Variants in SIAH3 observed in about 807,000 individuals in gnomAD.
The protein encoded by SIAH3 is seven in absentia homolog 3.
Under a neutral mutation model 12.6 loss-of-function variants are expected in SIAH3, and 9 were observed. That is an observed-to-expected ratio of 0.72 (90% CI 0.43 to 1.25). SIAH3 has a LOEUF of 1.25. Among genes scored for constraint, SIAH3 ranks in the 50% most tolerant of loss-of-function variants. The pLI is 0.00. For synonymous variants in SIAH3, 154 were observed against 151.1 expected, an observed-to-expected ratio of 1.02 and a Z score of -0.14; for missense variants, 390 against 365.4, an observed-to-expected ratio of 1.07 and a Z score of -0.55.
intron 1 of SIAH3, among the ~76,000 whole-genome samples, chr13:45,830,271 G>A (rs982946728): frequency 5.9e-5 from 9 of 152,206 alleles, no homozygotes; most frequent in African/African-American, 2.2e-4. Flanking sequence ...TCTGTCTAAA[G>A]TCTCCATAAA....
intron 1 of SIAH3, among the ~76,000 whole-genome samples, chr13:45,796,337 C>T (rs1052099626): frequency 1.1e-4 from 16 of 151,512 alleles, no homozygotes; most frequent in African/African-American, 3.2e-4. Context: ...ATTTCATGGG[C>T]GGGGGGGAGG....
At chr13:45,815,366 CT>C (rs748837289) in intron 1 of SIAH3, among the ~76,000 whole-genome samples, 5 of 151,960 alleles carry the variant, frequency 3.3e-5, no homozygotes, top group South Asian at 2.1e-4. Flanking sequence ...AGACTGAGGC[CT>C]CCTGAGGAAG....
chr13:45,850,205 C>T (rs1367315423), intron 1 of SIAH3, among the ~76,000 whole-genome samples: 9 of 152,182 alleles, frequency 5.9e-5, no homozygotes, highest in African/African-American at 1.9e-4. Flanking sequence ...CGCCCCTCCC[C>T]CAGGACTGGC....
intron 1 of SIAH3, among the ~76,000 whole-genome samples, chr13:45,786,860 G>T (rs1328556773): frequency 6.6e-6 from 1 of 152,188 alleles, no homozygotes; most frequent in African/African-American, 2.4e-5. Flanking sequence ...TGTGAGGACA[G>T]ATAGAATGTC....
intron 1 of SIAH3, among the ~76,000 whole-genome samples, chr13:45,796,362 AG>A (rs1455842244): frequency 6.6e-6 from 1 of 151,956 alleles, no homozygotes. Context: ...CAAGAACCCT[AG>A]GGGGTCTTTT....
intron 1 of SIAH3, among the ~76,000 whole-genome samples, chr13:45,821,491 T>C (rs1950655603): frequency 2.0e-5 from 3 of 152,210 alleles, no homozygotes; most frequent in Admixed American, 1.3e-4. Flanking sequence ...AGCAAAGCCA[T>C]TGGTTCTTAA....
At chr13:45,802,566 G>A (rs1950585975) in intron 1 of SIAH3, among the ~76,000 whole-genome samples, 1 of 152,172 alleles carries the variant, frequency 6.6e-6, no homozygotes, top group African/African-American at 2.4e-5. Flanking sequence ...ACACTAGGGA[G>A]CTACATTTAC....
chr13:45,839,458 C>A (rs975265768), intron 1 of SIAH3, among the ~76,000 whole-genome samples: 2 of 152,242 alleles, frequency 1.3e-5, no homozygotes, highest in African/African-American at 4.8e-5. Flanking sequence ...AGAGCACAAA[C>A]TTCCTTTCCT....
At chr13:45,836,054 G>T (rs931779755) in intron 1 of SIAH3, among the ~76,000 whole-genome samples, 2 of 152,128 alleles carry the variant, frequency 1.3e-5, no homozygotes, top group Non-Finnish European at 2.9e-5. Context: ...GAGCCCTTGG[G>T]GTACTCACCA....
intron 1 of SIAH3, among the ~76,000 whole-genome samples, chr13:45,800,610 C>T (rs1371578728): frequency 6.6e-6 from 1 of 152,192 alleles, no homozygotes; most frequent in Non-Finnish European, 1.5e-5. Flanking sequence ...TGGAAGCAGC[C>T]AGGCCTTATT....
chr13:45,836,010 C>T (rs1005484328), intron 1 of SIAH3, among the ~76,000 whole-genome samples: 2 of 152,180 alleles, frequency 1.3e-5, no homozygotes, highest in South Asian at 2.1e-4. Context: ...ACCCACTATA[C>T]CAGCCAGTCA....
intron 1 of SIAH3, among the ~76,000 whole-genome samples, chr13:45,833,477 ATG>A (rs1950706928): frequency 2.7e-5 from 4 of 146,718 alleles, no homozygotes; most frequent in Middle Eastern, 3.4e-3. Context: ...ACACACACAC[ATG>A]CACACACACA....
rs1238326541 is a variant in SIAH3, at chr13:45,780,074, G to C, written c.*3309C>G. 6.6e-6 allele frequency: 1 copy of C among 152,180 alleles called. No homozygotes were observed. The highest frequency in any genetic ancestry group is 1.5e-5 in the Non-Finnish European group (1 of 68,034). The allele number at this position is 152,180 out of a possible 1,614,324, so 9.4% of individuals were successfully genotyped here. ...TCTTTTAAAAGGCAATTACTCCTTAGAGAGTGAGTCATTAACTCTTGCACC... is the reference window on the plus strand; with the variant it reads ...TCTTTTAAAAGGCAATTACTCCTTACAGAGTGAGTCATTAACTCTTGCACC... On this transcript the variant is annotated 3_prime_UTR_variant, in exon 2 of 2. Transcript: ENST00000400405.
At chr13:45,798,631 C>T (rs116954179) in intron 1 of SIAH3, among the ~76,000 whole-genome samples, 18 of 152,292 alleles carry the variant, frequency 1.2e-4, no homozygotes, top group Non-Finnish European at 2.1e-4. Flanking sequence ...CCATTAGAAC[C>T]GTCCAGATGA....
intron 1 of SIAH3, among the ~76,000 whole-genome samples, chr13:45,797,031 T>C (rs2137555408): frequency 1.3e-5 from 2 of 152,302 alleles, no homozygotes; most frequent in Admixed American, 1.3e-4. Flanking sequence ...GTTCATCCAA[T>C]ATTCATCTTT....
intron 1 of SIAH3, among the ~76,000 whole-genome samples, chr13:45,812,881 A>G (rs921075900): frequency 3.3e-5 from 5 of 152,248 alleles, no homozygotes; most frequent in African/African-American, 1.2e-4. Context: ...ATGTCTTCAC[A>G]TGCTCAAATG....
chr13:45,798,532 G>C (rs1950570690), intron 1 of SIAH3, among the ~76,000 whole-genome samples: 1 of 152,210 alleles, frequency 6.6e-6, no homozygotes, highest in Non-Finnish European at 1.5e-5. Context: ...GTATCTTGGA[G>C]AGGTCTTTTA....
At chr13:45,849,794 T>C (rs1950773191) in intron 1 of SIAH3, among the ~76,000 whole-genome samples, 1 of 152,170 alleles carries the variant, frequency 6.6e-6, no homozygotes, top group African/African-American at 2.4e-5. Context: ...ACCATATAAA[T>C]GCAAACTTCA....
rs985490881 is a variant in SIAH3 at position 45,806,613 on chromosome 13, C to T, written c.136-22556G>A. 2.6e-5 allele frequency among the ~76,000 whole-genome samples: 4 copies of T among 152,244 alleles called. No individual in the cohort carries two copies. The Middle Eastern group carries it at 0.01, about 388-fold the overall frequency. ...ACAATGGTTGAAAAAGTATCTATTG[C>T]GTGCTATGCTCACTACCTGGATGAC... On this transcript the variant is annotated intron_variant, in intron 1 of 1. Coordinates refer to ENST00000400405, the MANE Select transcript of SIAH3 (RefSeq NM_198849.3).
Sources: allele counts gnomAD v4.1 joint callset (sites outside exome capture counted in the v4.1 genomes callset), GRCh38; gene constraint gnomAD v4.1.1; transcripts MANE v1.5; gene names NCBI Gene and HGNC (gene_info 2026-07-23, HGNC 2026-07-21).